Variants in CBFA2T3 observed in about 807,000 individuals in gnomAD.
The protein encoded by CBFA2T3 is CBFA2/RUNX1 partner transcriptional co-repressor 3, also known as transcriptional corepressor CBFA2T3.
A neutral mutation model predicts 58.6 loss-of-function variants in CBFA2T3; 31 were observed. The ratio of observed to expected loss-of-function variants is 0.53; its 90% confidence interval spans 0.40 to 0.71. The LOEUF is 0.71. CBFA2T3 is among the 30% of genes least tolerant of loss of function. The pLI, the probability that CBFA2T3 is intolerant of heterozygous loss-of-function variation, is 0.00. For synonymous variants in CBFA2T3, 531 were observed against 421.9 expected, an observed-to-expected ratio of 1.26 and a Z score of -3.17; for missense variants, 1,076 against 963.1, an observed-to-expected ratio of 1.12 and a Z score of -1.55.
Position 88,885,273 on chromosome 16 carries a change from G to A in CBFA2T3, c.894-4C>T, listed in dbSNP as rs767300643. ...GTCTGACCCGTTCTCTTTGGTCCTA[G>A]CCCCAAGAGCAGGTGGGGCGAGGGC... On this transcript the variant is annotated splice_polypyrimidine_tract_variant and splice_region_variant and intron_variant, in intron 6 of 11. Coordinates refer to ENST00000268679, the MANE Select transcript of CBFA2T3 (RefSeq NM_005187.6). This position sits in a 1 kb window ranked among gnomAD's most constrained non-coding sequence, Gnocchi z 5.3. 3.9e-6 allele frequency: 6 copies of A among 1,528,092 alleles called. No individual in the cohort carries two copies. The highest frequency in any genetic ancestry group is 5.3e-6 in the Non-Finnish European group (6 of 1,133,514). The allele number at this position is 1,528,092 out of a possible 1,614,324, so 94.7% of individuals were successfully genotyped here.
intron 5 of CBFA2T3, among the ~76,000 whole-genome samples, chr16:88,890,700 G>GGCTT (rs1567583871): frequency 7.0e-6 from 1 of 143,806 alleles, no homozygotes; most frequent in Admixed American, 6.9e-5. Context: ...GGGAATCACT[G>GGCTT]GCTTCATTCA....
rs542012288 is a variant in CBFA2T3, at chr16:88,900,595, A to T, written c.304+909T>A. Among the ~76,000 whole-genome samples the T allele has an allele frequency of 1.3e-3, 195 of 152,212 alleles. 2 individuals are homozygous for T. The highest frequency in any genetic ancestry group is 4.4e-3 in the African/African-American group (181 of 41,534). ...CCCGCCCAGAGAGGGGCTTCGTTTG[A>T]GTTTCAGAGCCTGGGGAGGGTCCCC... On this transcript the variant is annotated intron_variant, in intron 2 of 11. Coordinates refer to ENST00000268679, the MANE Select transcript of CBFA2T3 (RefSeq NM_005187.6).
intron 1 of CBFA2T3, among the ~76,000 whole-genome samples, chr16:88,949,265 G>A (rs1971983689): frequency 6.6e-6 from 1 of 152,210 alleles, no homozygotes; most frequent in South Asian, 2.1e-4. Flanking sequence ...CCCGATAAGA[G>A]ATGGGTTGGG....
chr16:88,885,118 T>C lies in CBFA2T3; in HGVS notation c.1045A>G (p.Met349Val), dbSNP rs1468455858. Residue 349 changes from methionine to valine, a missense_variant, in exon 7 of 12, where the codon ATG (methionine) becomes GTG (valine). Coordinates refer to ENST00000268679, the MANE Select transcript of CBFA2T3 (RefSeq NM_005187.6). The surrounding 1 kb of genome is among the most constrained non-coding windows in gnomAD (Gnocchi z 5.3). Reference protein sequence around the residue: ...PPHYRLEDIAMAHHFRDAYRH... With the variant: ...PPHYRLEDIAVAHHFRDAYRH... Reference sequence around the variant, plus strand: ...TAGGCATCTCGGAAGTGGTGGGCCATGGCTATGTCCTCCAGGCGGTAGTGC... The same window carrying C: ...TAGGCATCTCGGAAGTGGTGGGCCACGGCTATGTCCTCCAGGCGGTAGTGC... 6.2e-7 allele frequency: 1 copy of C among 1,602,780 alleles called. No individual in the cohort carries two copies. The highest frequency in any genetic ancestry group is 2.2e-5 in the East Asian group (1 of 44,718).
chr16:88,916,029 T>G (rs1310227480), intron 1 of CBFA2T3, among the ~76,000 whole-genome samples: 2 of 150,696 alleles, frequency 1.3e-5, no homozygotes, highest in Non-Finnish European at 3.0e-5. Context: ...CGTGTGTATA[T>G]GTGTGCACTC....
chr16:88,951,312 T>C (rs1026046872), intron 1 of CBFA2T3: 2 of 457,584 alleles, frequency 4.4e-6, no homozygotes, highest in Non-Finnish European at 8.8e-6. Flanking sequence ...GGGTCGAGTG[T>C]TGGCACCTGT....
intron 1 of CBFA2T3, among the ~76,000 whole-genome samples, chr16:88,952,726 T>TACC (rs1972109532): frequency 6.6e-6 from 1 of 152,146 alleles, no homozygotes; most frequent in Non-Finnish European, 1.5e-5. Flanking sequence ...TTCCCTGATC[T>TACC]ACCCTTCCTG....
At chr16:88,937,337 T>G (rs1971537763) in intron 1 of CBFA2T3, 2 of 152,312 alleles carry the variant, frequency 1.3e-5, no homozygotes, top group Admixed American at 6.5e-5. Flanking sequence ...GACGCTGTCG[T>G]GAGCCTCCCT....
chr16:88,947,086 G>A (rs1042263803), intron 1 of CBFA2T3, among the ~76,000 whole-genome samples: 1 of 152,196 alleles, frequency 6.6e-6, no homozygotes, highest in East Asian at 1.9e-4. Context: ...GTAAACTATG[G>A]ATTTCAGTTA....
In CBFA2T3 at chr16:88,886,001, G is replaced by A. The variant is rs1169982200; in HGVS notation, c.853C>T (p.Leu285=). Residue 285 remains leucine, a synonymous_variant, in exon 6 of 12, where the codon CTG becomes TTG. Coordinates refer to ENST00000268679, the MANE Select transcript of CBFA2T3 (RefSeq NM_005187.6). ...CTCTTGCCGTTCTCGTTGACTTCCA[G>A]TAGCAGCTCTGAGGAGTCGATGGGG... ...SSPIDSSELL[L]EVNENGKRRT... is the part of the protein sequence containing the mutation. 1 of 1,557,494 alleles carries A rather than the reference G, an allele frequency of 6.4e-7. No homozygotes were observed. The highest frequency in any genetic ancestry group is 8.7e-7 in the Non-Finnish European group (1 of 1,151,490).
chr16:88,881,552 C>T, intron 8 of CBFA2T3, 63 bp from the exon 9 acceptor site: 3 of 1,519,378 alleles, frequency 2.0e-6, no homozygotes, highest in South Asian at 1.2e-5. Flanking sequence ...GACACTCCCC[C>T]AGCCCACTCG....
intron 1 of CBFA2T3, among the ~76,000 whole-genome samples, chr16:88,951,822 C>T (rs189806099): frequency 1.2e-4 from 19 of 152,344 alleles, no homozygotes; most frequent in Admixed American, 2.6e-4. Flanking sequence ...CCTGGACAGC[C>T]GCTGGGAAGA....
At chr16:88,966,310 C>T (rs921440271) in intron 1 of CBFA2T3, among the ~76,000 whole-genome samples, 1 of 152,248 alleles carries the variant, frequency 6.6e-6, no homozygotes, top group Non-Finnish European at 1.5e-5. Flanking sequence ...TTACCCTGGT[C>T]CTTGGCAGGA....
chr16:88,975,524 G>A (rs554900557), intron 1 of CBFA2T3, among the ~76,000 whole-genome samples: 9 of 152,386 alleles, frequency 5.9e-5, no homozygotes, highest in East Asian at 5.8e-4. Context: ...GCCACTCAGC[G>A]CCAGGGGATA....
rs532548316 is a variant in CBFA2T3 at position 88,950,228 on chromosome 16, G to T, written c.151+26429C>A. ...TCCCCTGGACCGGCACCGCCACAGA[G>T]GGTCAGAGTGTTGGCACCTGTCTTC... On this transcript the variant is annotated intron_variant, in intron 1 of 11. Transcript: ENST00000268679. The T allele has an allele frequency of 6.2e-4, 271 of 438,380 alleles. 1 individual carries two copies. Among genetic ancestry groups the T allele is most frequent in the African/African-American group, 5.0e-3 (234 of 46,798 alleles). The allele number at this position is 438,380 out of a possible 1,614,324, so 27.2% of individuals were successfully genotyped here.
intron 10 of CBFA2T3, 97 bp downstream of exon 10, chr16:88,880,623 A>G: frequency 9.9e-7 from 1 of 1,009,584 alleles, no homozygotes; most frequent in Non-Finnish European, 1.5e-6. Context: ...GCCCCCAGAG[A>G]GAGACAGAAG....
chr16:88,908,348 A>C (rs1490748461), intron 1 of CBFA2T3, among the ~76,000 whole-genome samples: 1 of 151,996 alleles, frequency 6.6e-6, no homozygotes, highest in Non-Finnish European at 1.5e-5. Context: ...TTTCAAAAAA[A>C]AAAAAAAGGA....
chr16:88,945,259 G>C (rs1425282527), intron 1 of CBFA2T3, among the ~76,000 whole-genome samples: 1 of 152,266 alleles, frequency 6.6e-6, no homozygotes, highest in South Asian at 2.1e-4. Context: ...CTAGAACAGT[G>C]AGTTTTTAAA....
rs535647953 is a variant in CBFA2T3 at position 88,962,113 on chromosome 16, C to T, written c.151+14544G>A. Among the ~76,000 whole-genome samples the T allele has an allele frequency of 4.0e-5, 6 of 151,640 alleles. No homozygotes were observed. The South Asian group carries it at 1.2e-3, about 32-fold the overall frequency. On this transcript the variant is annotated intron_variant, in intron 1 of 11. Coordinates refer to ENST00000268679, the MANE Select transcript of CBFA2T3 (RefSeq NM_005187.6). ...CGACACTCAGCACTGGACATTCCCA[C>T]TGCATAGTAACCAACACTCAGCACT...
Sources: allele counts gnomAD v4.1 joint callset (sites outside exome capture counted in the v4.1 genomes callset), GRCh38; gene constraint gnomAD v4.1.1; non-coding constraint Gnocchi (gnomAD v3.1); transcripts MANE v1.5; gene names NCBI Gene and HGNC (gene_info 2026-07-23, HGNC 2026-07-21).